STX12: variants seen among roughly 807,000 people sequenced by gnomAD.
STX12 encodes the protein syntaxin-12.
In STX12, 17 loss-of-function variants were observed where a neutral mutation model predicts 42.2. The ratio of observed to expected loss-of-function variants is 0.40; its 90% CI spans 0.28 to 0.60. The LOEUF (loss-of-function observed/expected upper bound fraction) is 0.60. STX12 is among the 20% of genes least tolerant of loss of function. The probability of loss-of-function intolerance (pLI) is 0.39; values close to 1 mark genes in which losing one functional copy is unlikely to be tolerated. For synonymous variants in STX12, 108 were observed against 116.7 expected (o/e 0.93, Z 0.48); for missense variants, 297 against 330.9 (o/e 0.90, Z 0.79).
At chr1:27,812,754 T>A (rs17162810) in intron 6 of STX12, among the ~76,000 whole-genome samples, 3,433 of 152,222 alleles carry the variant, frequency 0.023, 111 homozygotes, top group African/African-American at 0.076. Context: ...ACTACTGTTA[T>A]AATGGCATTG....
At position 27,822,224 on chromosome 1, in the gene STX12, T is replaced by C. The variant is rs750757871; in HGVS notation, c.733-7T>C. Reference sequence around the variant, plus strand: ...TGAGTATCTTGTTTACATATTTCTTTCCTCAGAAAAAATCTCGCAAGAAGA... The same window carrying C: ...TGAGTATCTTGTTTACATATTTCTTCCCTCAGAAAAAATCTCGCAAGAAGA... On this transcript the variant is annotated splice_region_variant and splice_polypyrimidine_tract_variant and intron_variant, in intron 8 of 8. Transcript: ENST00000373943. 1 of 1,574,182 alleles carries C rather than the reference T, an allele frequency of 6.4e-7. No homozygotes were observed. Among genetic ancestry groups the C allele is most frequent in the Non-Finnish European group, 8.7e-7 (1 of 1,143,594 alleles).
chr1:27,816,867 G>A (rs1474975901), intron 6 of STX12, among the ~76,000 whole-genome samples: 1 of 150,784 alleles, frequency 6.6e-6, no homozygotes, highest in African/African-American at 2.4e-5. Flanking sequence ...AGTGAGACGA[G>A]ATTGTGCCAC....
rs2088885699 is a variant in STX12, at chr1:27,809,275, A to G, written c.427-971A>G. Among the ~76,000 whole-genome samples the G allele has an allele frequency of 2.0e-5, 3 of 149,410 alleles. No individual in the cohort carries two copies. In the South Asian group the frequency reaches 6.5e-4, roughly 32 times the overall value. Reference sequence around the variant, plus strand: ...CTTGAACCTGGGAGGCAGAGGTGGTAGTGCAGCCGAGATCGTGCCACTCGA... The same window carrying G: ...CTTGAACCTGGGAGGCAGAGGTGGTGGTGCAGCCGAGATCGTGCCACTCGA... On this transcript the variant is annotated intron_variant, in intron 4 of 8. Transcript: ENST00000373943.
At chr1:27,812,563 T>C (rs1230722926) in intron 6 of STX12, among the ~76,000 whole-genome samples, 3 of 151,936 alleles carry the variant, frequency 2.0e-5, no homozygotes, top group Non-Finnish European at 4.4e-5. Context: ...TGCCTCAGAC[T>C]CTCGAGTAGC....
At chr1:27,813,219 A>G (rs1412028501) in intron 6 of STX12, among the ~76,000 whole-genome samples, 2 of 150,700 alleles carry the variant, frequency 1.3e-5, no homozygotes, top group African/African-American at 2.4e-5. Context: ...TCTGTCGCCC[A>G]GGCAGGAGTG....
intron 1 of STX12, among the ~76,000 whole-genome samples, chr1:27,775,763 A>T (rs2088624623): frequency 6.6e-6 from 1 of 152,168 alleles, no homozygotes; most frequent in Non-Finnish European, 1.5e-5. Flanking sequence ...ATGGCATTTG[A>T]GTTATGTCTG....
intron 1 of STX12, among the ~76,000 whole-genome samples, chr1:27,777,599 C>G (rs1039292240): frequency 2.6e-5 from 4 of 152,074 alleles, no homozygotes; most frequent in African/African-American, 7.2e-5. Context: ...AGTTGAGATT[C>G]TTCCAGGCCG....
rs953524985 is a variant in STX12 at position 27,809,954 on chromosome 1, T to C, written c.427-292T>C. 2 of 240,714 alleles carry C rather than the reference T, an allele frequency of 8.3e-6. 1 individual carries two copies. The highest frequency in any genetic ancestry group is 2.7e-3 in the Middle Eastern group (2 of 744). The allele number at this position is 240,714 out of a possible 1,614,324, so 14.9% of individuals were successfully genotyped here. On this transcript the variant is annotated intron_variant, in intron 4 of 8. Transcript: ENST00000373943. ...AGTTTATCTACCTCCCCCTAAATTT[T>C]AAAATATTTTATTGTTGTTATTTTT... is the stretch of plus-strand genomic sequence containing the variant.
At position 27,814,706 on chromosome 1, in the gene STX12, CG is replaced by C. The variant is rs1571532644; in HGVS notation, c.576+2441del. ...TCTACTAAAAACACAAAAAATTAGC[CG>C]GGTGTGGTGGTGCATGCCTGTAATT... On this transcript the variant is annotated intron_variant, in intron 6 of 8. Transcript: ENST00000373943. 2.0e-5 allele frequency among the ~76,000 whole-genome samples: 3 copies of C among 151,646 alleles called. No homozygotes were observed. The East Asian group carries it at 5.8e-4, about 29-fold the overall frequency.
intron 3 of STX12, among the ~76,000 whole-genome samples, chr1:27,799,477 G>GTTTTTTTTTGTT (rs2088811549): frequency 7.7e-6 from 1 of 130,714 alleles, no homozygotes; most frequent in African/African-American, 3.2e-5. Context: ...TCATTAGCTT[G>GTTTTTTTTTGTT]TTTTTTTTTT....
chr1:27,795,441 G>A lies in STX12; in HGVS notation c.288+1809G>A, dbSNP rs1264698302. ...CTGCCTCAGCTTCCCAAGTTGCTGG[G>A]ATTGCAGGCACCCACTACCACGCTC... On this transcript the variant is annotated intron_variant, in intron 3 of 8. Transcript: ENST00000373943. Among the ~76,000 whole-genome samples, 7 of 152,110 alleles carry A rather than the reference G, an allele frequency of 4.6e-5. No individual in the cohort carries two copies. In the East Asian group the frequency reaches 1.2e-3, roughly 25 times the overall value.
intron 4 of STX12, among the ~76,000 whole-genome samples, chr1:27,807,218 C>A (rs2088867765): frequency 6.6e-6 from 1 of 152,084 alleles, no homozygotes; most frequent in Admixed American, 6.6e-5. Context: ...TTCAATTATA[C>A]TCTTTTAGTT....
intron 3 of STX12, among the ~76,000 whole-genome samples, chr1:27,800,258 C>T (rs2088818274): frequency 6.6e-6 from 1 of 152,190 alleles, no homozygotes; most frequent in African/African-American, 2.4e-5. Context: ...TTCATGCCTT[C>T]CTCTTACTTC....
At position 27,814,925 on chromosome 1, in the gene STX12, A is replaced by T. The variant is rs182923779; in HGVS notation, c.576+2657A>T. Among the ~76,000 whole-genome samples, 20 of 152,274 alleles carry T rather than the reference A, an allele frequency of 1.3e-4. No individual in the cohort carries two copies. In the East Asian group the frequency reaches 3.9e-3, roughly 29 times the overall value. On this transcript the variant is annotated intron_variant, in intron 6 of 8. Transcript: ENST00000373943. ...AGCAACCGTGGAGTGAAAATATTTA[A>T]AAAAAACTAAAAAATAATACAACAA...
intron 2 of STX12, among the ~76,000 whole-genome samples, chr1:27,792,270 G>GTAGATACATATA (rs2088752682): frequency 8.2e-6 from 1 of 121,580 alleles, no homozygotes; most frequent in Non-Finnish European, 1.7e-5. Flanking sequence ...ACATATATAT[G>GTAGATACATATA]TATCTATATA....
chr1:27,812,058 CTGGTAATG>C (rs2088906646), intron 5 of STX12, 97 bp from the exon 6 acceptor site: 1 of 906,366 alleles, frequency 1.1e-6, no homozygotes, highest in Admixed American at 2.0e-5. Context: ...GACTGGAGCC[CTGGTAATG>C]TCTTTGCATA....
chr1:27,781,151 C>A (rs988115240), intron 1 of STX12, among the ~76,000 whole-genome samples: 3 of 152,082 alleles, frequency 2.0e-5, no homozygotes, highest in African/African-American at 4.8e-5. Flanking sequence ...TTAAGCAATT[C>A]TCATGCCTCA....
intron 2 of STX12, among the ~76,000 whole-genome samples, chr1:27,791,824 A>C (rs1303880530): frequency 6.6e-6 from 1 of 151,594 alleles, no homozygotes; most frequent in Non-Finnish European, 1.5e-5. Context: ...CAAAAAAATA[A>C]AATACAAAAA....
At chr1:27,806,912 A>T (rs1447435361) in intron 4 of STX12, among the ~76,000 whole-genome samples, 1 of 151,920 alleles carries the variant, frequency 6.6e-6, no homozygotes, top group Non-Finnish European at 1.5e-5. Flanking sequence ...TCTCATGAGA[A>T]CTCCCTCACT....
Sources: allele counts gnomAD v4.1 joint callset (sites outside exome capture counted in the v4.1 genomes callset), GRCh38; gene constraint gnomAD v4.1.1; transcripts MANE v1.5; gene names NCBI Gene and HGNC (gene_info 2026-07-23, HGNC 2026-07-21).